The following CLYBL variants were observed in gnomAD, a reference collection of about 807,000 sequenced individuals.
The protein encoded by CLYBL is citramalyl-CoA lyase, mitochondrial.
CLYBL carries 31 observed loss-of-function variants against 38.9 expected under a neutral mutation model. That is an observed-to-expected ratio of 0.80 (90% CI 0.60 to 1.08). The LOEUF (loss-of-function observed/expected upper bound fraction) is 1.08. Among genes scored for constraint, CLYBL ranks in the 50% least tolerant of loss-of-function variants. CLYBL has a pLI of 0.00. For synonymous variants in CLYBL, 171 were observed against 158.6 expected (o/e 1.08, Z -0.59); for missense variants, 434 against 411.6 (o/e 1.05, Z -0.47).
At chr13:99,768,500 T>TA (rs2049316812) in intron 1 of CLYBL, among the ~76,000 whole-genome samples, 1 of 25,408 alleles carries the variant, frequency 3.9e-5, no homozygotes, top group South Asian at 1.2e-3. Context: ...ACCTCTTTTT[T>TA]TTTTTTTTTT....
intron 1 of CLYBL, among the ~76,000 whole-genome samples, chr13:99,771,537 T>C (rs1393498856): frequency 6.6e-6 from 1 of 152,156 alleles, no homozygotes; most frequent in East Asian, 1.9e-4. Context: ...GCCCCGCAAA[T>C]TGTATCGCTC....
intron 1 of CLYBL, among the ~76,000 whole-genome samples, chr13:99,702,189 G>A (rs1478943249): frequency 6.6e-6 from 1 of 152,086 alleles, no homozygotes; most frequent in African/African-American, 2.4e-5. Context: ...GCTCACTGCA[G>A]CCTCGAGCTC....
chr13:99,886,074 A>G (rs1350976222), intron 7 of CLYBL, among the ~76,000 whole-genome samples: 1 of 152,190 alleles, frequency 6.6e-6, no homozygotes. Context: ...GTGATACCCC[A>G]AAAAAGGACT....
intron 2 of CLYBL, among the ~76,000 whole-genome samples, chr13:99,828,412 T>C (rs2050740244): frequency 6.6e-6 from 1 of 152,202 alleles, no homozygotes; most frequent in South Asian, 2.1e-4. Context: ...ATCTCAGAGA[T>C]GAAGGTTTCA....
intron 2 of CLYBL, among the ~76,000 whole-genome samples, chr13:99,782,991 A>G (rs948005610): frequency 1.3e-5 from 2 of 151,744 alleles, no homozygotes; most frequent in East Asian, 1.9e-4. Context: ...TCTGTCTTCA[A>G]TTGTGTCTAA....
At chr13:99,607,346 G>C (rs1355447470) in intron 1 of CLYBL, among the ~76,000 whole-genome samples, 1 of 151,978 alleles carries the variant, frequency 6.6e-6, no homozygotes, top group South Asian at 2.1e-4. Flanking sequence ...TTATATTTTT[G>C]AAAATTTCTT....
At chr13:99,653,028 CAG>C (rs2047278133) in intron 1 of CLYBL, among the ~76,000 whole-genome samples, 1 of 152,106 alleles carries the variant, frequency 6.6e-6, no homozygotes, top group Admixed American at 6.5e-5. Flanking sequence ...TGTGTGGTAG[CAG>C]GGCATGGCCC....
At chr13:99,877,774 A>C (rs1295415449) in intron 7 of CLYBL, 1 of 214,648 alleles carries the variant, frequency 4.7e-6, no homozygotes, top group Non-Finnish European at 9.4e-6. Flanking sequence ...GTGTTTCACC[A>C]TTTTGGTCAG....
Position 99,772,932 on chromosome 13 carries a change from G to A in CLYBL, c.171G>A (p.Lys57=), listed in dbSNP as rs775744737. The part of the protein sequence containing the change: ...AVLYVPGNDE[K]KIKKIPSLNV... ...TTTATGTACCTGGAAATGATGAAAAGAAAATAAAGAAGATTCCATCCCTGA... is the reference window on the plus strand; with the variant it reads ...TTTATGTACCTGGAAATGATGAAAAAAAAATAAAGAAGATTCCATCCCTGA... The change falls in exon 2 of 9, where the codon AAG becomes AAA. Residue 57 remains lysine (K), a synonymous_variant. Transcript: ENST00000339105. The A allele has an allele frequency of 6.2e-7, 1 of 1,613,776 alleles. No individual in the cohort carries two copies. The highest frequency in any genetic ancestry group is 1.7e-5 in the Admixed American group (1 of 59,882).
intron 2 of CLYBL, among the ~76,000 whole-genome samples, chr13:99,799,509 C>G (rs2050089393): frequency 6.6e-6 from 1 of 152,084 alleles, no homozygotes; most frequent in Non-Finnish European, 1.5e-5. Flanking sequence ...CAGGACTTGC[C>G]AATTTTCATT....
intron 1 of CLYBL, among the ~76,000 whole-genome samples, chr13:99,747,015 C>T (rs2048862605): frequency 6.6e-6 from 1 of 152,176 alleles, no homozygotes; most frequent in Admixed American, 6.5e-5. Flanking sequence ...CCCTCTTGAC[C>T]TCGGAGTCAC....
rs1043705553 is a variant in CLYBL, at chr13:99,652,161, T to C, written c.62+45404T>C. 2.6e-5 allele frequency among the ~76,000 whole-genome samples: 4 copies of C among 151,700 alleles called. No individual in the cohort carries two copies. In the East Asian group the frequency reaches 7.7e-4, roughly 29 times the overall value. ...CAGGATGCAGGCTCCAGGGAGGGAGTGTCCAACTGGGCTAATAGGGCCCAC... is the reference window on the plus strand; with the variant it reads ...CAGGATGCAGGCTCCAGGGAGGGAGCGTCCAACTGGGCTAATAGGGCCCAC... On this transcript the variant is annotated intron_variant, in intron 1 of 8. Transcript: ENST00000339105.
intron 2 of CLYBL, among the ~76,000 whole-genome samples, chr13:99,844,821 C>A (rs113128124): frequency 6.6e-6 from 1 of 152,156 alleles, no homozygotes; most frequent in Non-Finnish European, 1.5e-5. Context: ...TGACACCTAG[C>A]GCGTGGGCAT....
intron 1 of CLYBL, among the ~76,000 whole-genome samples, chr13:99,670,997 C>T (rs977620177): frequency 1.3e-5 from 2 of 152,198 alleles, no homozygotes; most frequent in Admixed American, 6.5e-5. Flanking sequence ...GCTGACCTCT[C>T]CAGCAACATC....
chr13:99,702,854 C>G (rs1030810805), intron 1 of CLYBL, among the ~76,000 whole-genome samples: 11 of 152,280 alleles, frequency 7.2e-5, no homozygotes, highest in Middle Eastern at 3.4e-3. Flanking sequence ...TATCTAAGCA[C>G]GTTGCTCTGC....
At chr13:99,819,975 G>A (rs1034310595) in intron 2 of CLYBL, among the ~76,000 whole-genome samples, 7 of 152,136 alleles carry the variant, frequency 4.6e-5, no homozygotes, top group African/African-American at 1.7e-4. Flanking sequence ...TAACCATCAC[G>A]GATTTATACC....
intron 1 of CLYBL, among the ~76,000 whole-genome samples, chr13:99,625,861 G>A (rs190128026): frequency 6.6e-6 from 1 of 152,356 alleles, no homozygotes; most frequent in African/African-American, 2.4e-5. Context: ...AGAGAGAAGG[G>A]AAGAACATTT....
chr13:99,691,399 G>A (rs913326642), intron 1 of CLYBL, among the ~76,000 whole-genome samples: 2 of 152,094 alleles, frequency 1.3e-5, no homozygotes, highest in African/African-American at 2.4e-5. Context: ...ATTTGGGGGG[G>A]AAGGGGACAG....
chr13:99,694,925 G>T (rs1396848375), intron 1 of CLYBL, among the ~76,000 whole-genome samples: 1 of 152,034 alleles, frequency 6.6e-6, no homozygotes, highest in Admixed American at 6.5e-5. Flanking sequence ...CTCCTCAGTG[G>T]GGAAGTGATT....
Sources: allele counts gnomAD v4.1 joint callset (sites outside exome capture counted in the v4.1 genomes callset), GRCh38; gene constraint gnomAD v4.1.1; transcripts MANE v1.5; gene names NCBI Gene and HGNC (gene_info 2026-07-23, HGNC 2026-07-21).